Variants in EPM2A observed in about 807,000 individuals in gnomAD.
EPM2A encodes EPM2A glucan phosphatase, laforin.
A neutral mutation model predicts 26.5 loss-of-function variants in EPM2A; 21 were observed. That is an observed-to-expected ratio of 0.79 (90% CI 0.56 to 1.14). The LOEUF is 1.14. Among genes scored for constraint, EPM2A ranks in the 50% most tolerant of loss-of-function variants. EPM2A has a pLI of 0.00. For missense variants in EPM2A, 458 were observed against 440.8 expected (o/e 1.04, Z -0.35); for synonymous variants, 217 against 177.6 (o/e 1.22, Z -1.76).
At chr6:145,684,198 G>A (rs1780753811) in intron 2 of EPM2A, among the ~76,000 whole-genome samples, 1 of 151,932 alleles carries the variant, frequency 6.6e-6, no homozygotes, top group Admixed American at 6.6e-5. Flanking sequence ...AAAAAAAGAA[G>A]CCTCTCAAAA....
In EPM2A at chr6:145,399,254, C is replaced by G. The variant is rs140619003; in HGVS notation, c.556-15157G>C. On this transcript the variant is annotated intron_variant, in intron 4 of 4. Transcript: ENST00000638717. ...TTCATCAATAAACATAACTTTGGGACTATCACTTGCTCTCCCCTAGGTTAT... is the reference window on the plus strand; with the variant it reads ...TTCATCAATAAACATAACTTTGGGAGTATCACTTGCTCTCCCCTAGGTTAT... Among the ~76,000 whole-genome samples, 158 of 152,278 alleles carry G rather than the reference C, an allele frequency of 1.0e-3. 1 individual carries two copies. The East Asian group carries it at 0.028, about 27-fold the overall frequency.
intron 2 of EPM2A, among the ~76,000 whole-genome samples, chr6:145,643,016 A>T (rs1417485154): frequency 6.6e-6 from 1 of 152,118 alleles, no homozygotes; most frequent in Non-Finnish European, 1.5e-5. Flanking sequence ...AGAGAGGAAG[A>T]GGGAAGACCT....
At chr6:145,696,801 G>C (rs1230845731) in intron 1 of EPM2A, among the ~76,000 whole-genome samples, 2 of 150,958 alleles carry the variant, frequency 1.3e-5, no homozygotes, top group Non-Finnish European at 3.0e-5. Flanking sequence ...GTGTGTGTGT[G>C]TGTGTGTGTG....
intron 4 of EPM2A, among the ~76,000 whole-genome samples, chr6:145,398,036 C>A (rs936917200): frequency 2.0e-5 from 3 of 152,034 alleles, no homozygotes; most frequent in Admixed American, 2.0e-4. Context: ...GAGATACCCA[C>A]CCCCACCTTG....
intron 4 of EPM2A, among the ~76,000 whole-genome samples, chr6:145,423,585 C>A (rs1364414747): frequency 6.6e-6 from 1 of 152,186 alleles, no homozygotes; most frequent in Non-Finnish European, 1.5e-5. Context: ...TTCCCATATG[C>A]ACAAAACTTC....
In EPM2A at chr6:145,452,416, C is replaced by A. The variant is rs377158464; in HGVS notation, c.555+50106G>T. On this transcript the variant is annotated intron_variant, in intron 4 of 4. Transcript: ENST00000638717. ...CAGTAGAGAAACTGGGAGGCCGAGGCGGGCAGAGCACGAGGTCAGGAGATG... is the reference window on the plus strand; with the variant it reads ...CAGTAGAGAAACTGGGAGGCCGAGGAGGGCAGAGCACGAGGTCAGGAGATG... 2.4e-4 allele frequency among the ~76,000 whole-genome samples: 34 copies of A among 143,214 alleles called. No homozygotes were observed. The East Asian group carries it at 5.6e-3, about 24-fold the overall frequency. The allele number at this position is 143,214 out of a possible 152,430, so 94.0% of individuals were successfully genotyped here. A position where few individuals can be genotyped will look rare whatever the true frequency, so the allele number is the denominator to read the frequency against.
chr6:145,639,078 T>C (rs1776897541), intron 2 of EPM2A: 1 of 152,198 alleles, frequency 6.6e-6, no homozygotes. Context: ...CATATGAGAT[T>C]AGAGAATAAA....
intron 4 of EPM2A, among the ~76,000 whole-genome samples, chr6:145,489,065 T>C (rs1779721426): frequency 6.6e-6 from 1 of 152,160 alleles, no homozygotes; most frequent in Admixed American, 6.5e-5. Flanking sequence ...TTCTTAACAT[T>C]CTCGAAATTT....
At chr6:145,472,300 G>C (rs1028337671) in intron 4 of EPM2A, among the ~76,000 whole-genome samples, 2 of 151,842 alleles carry the variant, frequency 1.3e-5, no homozygotes, top group Non-Finnish European at 2.9e-5. Flanking sequence ...GAGCCCCTGA[G>C]ACTTGCTGGC....
intron 3 of EPM2A, chr6:145,631,712 G>C (rs936591151): frequency 6.6e-6 from 1 of 152,262 alleles, no homozygotes; most frequent in Admixed American, 6.5e-5. Flanking sequence ...TGAGGAGAGG[G>C]AGAGGTAGAG....
chr6:145,506,429 T>C (rs1217063797), intron 2 of EPM2A, among the ~76,000 whole-genome samples: 3 of 151,888 alleles, frequency 2.0e-5, no homozygotes, highest in Non-Finnish European at 4.4e-5. Context: ...TATTTCATGA[T>C]TCATAAAAGT....
chr6:145,595,812 T>C (rs1781335344), intron 2 of EPM2A, among the ~76,000 whole-genome samples: 1 of 152,158 alleles, frequency 6.6e-6, no homozygotes, highest in African/African-American at 2.4e-5. Context: ...TTTTATACTT[T>C]ATTTTTTTCT....
At chr6:145,614,477 C>A (rs996659539) in intron 2 of EPM2A, among the ~76,000 whole-genome samples, 2 of 152,250 alleles carry the variant, frequency 1.3e-5, no homozygotes, top group African/African-American at 4.8e-5. Flanking sequence ...AAAGGCCTAG[C>A]TTTCAGCTGA....
intron 1 of EPM2A, among the ~76,000 whole-genome samples, chr6:145,716,344 C>T (rs775692530): frequency 6.6e-6 from 1 of 152,130 alleles, no homozygotes; most frequent in Non-Finnish European, 1.5e-5. Context: ...TTCCCAGGAT[C>T]CACCCATGAA....
chr6:145,400,232 T>G (rs1778464560), intron 4 of EPM2A, among the ~76,000 whole-genome samples: 1 of 152,130 alleles, frequency 6.6e-6, no homozygotes, highest in South Asian at 2.1e-4. Context: ...CTGAGAAATC[T>G]TGGCCAAAGG....
intron 2 of EPM2A, among the ~76,000 whole-genome samples, chr6:145,506,715 G>C (rs553013390): frequency 6.6e-6 from 1 of 152,206 alleles, no homozygotes. Flanking sequence ...TACAAATACT[G>C]TGCTGGCAGT....
intron 1 of EPM2A, among the ~76,000 whole-genome samples, chr6:145,708,197 G>A (rs979067464): frequency 6.6e-6 from 1 of 152,176 alleles, no homozygotes; most frequent in African/African-American, 2.4e-5. Flanking sequence ...TAAAAGGTTG[G>A]AAAATTTGCA....
At chr6:145,511,201 C>T (rs1050166458) in intron 2 of EPM2A, among the ~76,000 whole-genome samples, 1 of 151,896 alleles carries the variant, frequency 6.6e-6, no homozygotes, top group Non-Finnish European at 1.5e-5. Context: ...AGATCTGGTA[C>T]CAATTTATAT....
intron 2 of EPM2A, among the ~76,000 whole-genome samples, chr6:145,648,080 G>T (rs892720963): frequency 3.9e-5 from 6 of 152,134 alleles, no homozygotes; most frequent in African/African-American, 7.2e-5. Flanking sequence ...TATTCTATGT[G>T]TTCTCATAGA....
Sources: allele counts gnomAD v4.1 joint callset (sites outside exome capture counted in the v4.1 genomes callset), GRCh38; gene constraint gnomAD v4.1.1; transcripts MANE v1.5; gene names NCBI Gene and HGNC (gene_info 2026-07-23, HGNC 2026-07-21).